The following PPEF1 variants were observed in gnomAD, a reference collection of about 807,000 sequenced individuals.
PPEF1 encodes serine/threonine-protein phosphatase with EF-hands 1.
Under a neutral mutation model 53.3 loss-of-function variants are expected in PPEF1, and 12 were observed. That is an observed-to-expected ratio of 0.23 (90% CI 0.14 to 0.36). PPEF1 has a LOEUF of 0.36. Ranked by LOEUF, PPEF1 falls within the 10% of genes least tolerant of loss-of-function variation. PPEF1 has a pLI of 1.00. For missense variants in PPEF1, 334 were observed against 490.4 expected (o/e 0.68, Z 3.01); for synonymous variants, 165 against 176.7 (o/e 0.93, Z 0.52).
chrX:18,684,499 T>G (rs1316114314), intron 1 of PPEF1, among the ~76,000 whole-genome samples: 1 of 111,577 alleles, frequency 9.0e-6, no homozygotes, highest in Non-Finnish European at 1.9e-5. Flanking sequence ...ACGATCACTT[T>G]CAGTGAGATT....
chrX:18,735,014 G>C (rs1266639425), intron 3 of PPEF1, among the ~76,000 whole-genome samples: 1 of 112,118 alleles, frequency 8.9e-6, no homozygotes, highest in Non-Finnish European at 1.9e-5. Context: ...GTTCTTTGTA[G>C]ATTCTGGATA....
chrX:18,780,384 C>T (rs2046059055), intron 7 of PPEF1, among the ~76,000 whole-genome samples: 1 of 112,061 alleles, frequency 8.9e-6, no homozygotes, highest in East Asian at 2.8e-4. Flanking sequence ...GAGCTCAGGA[C>T]AAGACTGTTT....
chrX:18,735,174 T>C (rs2044945116), intron 3 of PPEF1, among the ~76,000 whole-genome samples: 1 of 111,917 alleles, frequency 8.9e-6, no homozygotes, highest in East Asian at 2.8e-4. Flanking sequence ...GCCATTGCTT[T>C]TGGTGTTTTA....
intron 6 of PPEF1, among the ~76,000 whole-genome samples, chrX:18,762,537 G>GTAAAAGAA (rs1351142997): frequency 3.6e-5 from 4 of 111,995 alleles, no homozygotes; most frequent in Non-Finnish European, 7.5e-5. Context: ...TATTAAGAAA[G>GTAAAAGAA]TAAAAGAATA....
intron 10 of PPEF1, among the ~76,000 whole-genome samples, chrX:18,796,038 C>T (rs1602462926): frequency 1.8e-5 from 2 of 112,247 alleles, no homozygotes; most frequent in Non-Finnish European, 3.8e-5. Flanking sequence ...TCATTGCAAC[C>T]TCCACCTCCT....
chrX:18,717,226 G>A (rs1353553979), intron 1 of PPEF1, among the ~76,000 whole-genome samples: 4 of 107,951 alleles, frequency 3.7e-5, no homozygotes, highest in East Asian at 5.8e-4. Context: ...TTGAAAATAA[G>A]CTGTAGACAT....
intron 5 of PPEF1, chrX:18,700,326 C>T (rs1226421386): frequency 9.6e-6 from 1 of 104,593 alleles, no homozygotes; most frequent in Non-Finnish European, 1.9e-5. Context: ...TACCTCTTTT[C>T]TTTCAGCCCT....
At chrX:18,711,344 T>C (rs1177178448) in intron 1 of PPEF1, among the ~76,000 whole-genome samples, 1 of 109,113 alleles carries the variant, frequency 9.2e-6, no homozygotes, top group Non-Finnish European at 1.9e-5. Flanking sequence ...GGGTGAGGTA[T>C]GAGAAATTAC....
At chrX:18,811,601 ATATATATATATATATTTT>A (rs1435800006) in intron 12 of PPEF1, among the ~76,000 whole-genome samples, 1,168 of 76,915 alleles carry the variant, frequency 0.015, 24 homozygotes, top group African/African-American at 0.057. Context: ...ATATATATAT[ATATATATATATATATTTT>A]TTTTTTTTTT....
intron 3 of PPEF1, among the ~76,000 whole-genome samples, chrX:18,748,411 A>G (rs1411706023): frequency 1.8e-5 from 2 of 112,813 alleles, no homozygotes; most frequent in African/African-American, 6.4e-5. Context: ...TTTAAAAGAT[A>G]GAAACTGTTT....
At chrX:18,703,567 A>G (rs5909205), upstream of PPEF1, among the ~76,000 whole-genome samples, 46,075 of 111,305 alleles carry the variant, frequency 0.41, 7,873 homozygotes, top group Non-Finnish European at 0.55. Context: ...TCATTCATTC[A>G]TTCATTTAGC....
At chrX:18,758,401 A>G (rs997819542) in intron 5 of PPEF1, among the ~76,000 whole-genome samples, 6 of 112,070 alleles carry the variant, frequency 5.4e-5, no homozygotes, top group African/African-American at 1.9e-4. Flanking sequence ...TTAAGCCTTT[A>G]GGTTACAAAA....
intron 10 of PPEF1, among the ~76,000 whole-genome samples, chrX:18,797,703 A>T (rs1349351384): frequency 2.7e-5 from 3 of 110,612 alleles, no homozygotes; most frequent in Non-Finnish European, 5.7e-5. Context: ...GTTCTTTTTT[A>T]TTATTATTAT....
At chrX:18,749,597 G>A (rs1268335483) in intron 3 of PPEF1, among the ~76,000 whole-genome samples, 195 bp from the exon 4 acceptor site, 1 of 111,686 alleles carries the variant, frequency 9.0e-6, no homozygotes, top group East Asian at 2.8e-4. Context: ...AGGGATGGTG[G>A]TGACCCATGT....
At chrX:18,681,478 A>C (rs1928882265), upstream of PPEF1, among the ~76,000 whole-genome samples, 1 of 111,490 alleles carries the variant, frequency 9.0e-6, no homozygotes, top group Non-Finnish European at 1.9e-5. Context: ...GGGTGACTCA[A>C]GCCAGGGCAA....
At chrX:18,814,267 G>T (rs766916769) in intron 12 of PPEF1, among the ~76,000 whole-genome samples, 1 of 111,609 alleles carries the variant, frequency 9.0e-6, no homozygotes, top group African/African-American at 3.3e-5. Context: ...GGTTGATTCC[G>T]TGTTTTTGCT....
chrX:18,784,213 G>A (rs1330962224), intron 9 of PPEF1, among the ~76,000 whole-genome samples, 165 bp downstream of exon 9: 1 of 111,638 alleles, frequency 9.0e-6, no homozygotes, highest in Non-Finnish European at 1.9e-5. Flanking sequence ...AAAAATCTAT[G>A]ACTGCATGAT....
chrX:18,683,112 T>C (rs1459866719), intron 1 of PPEF1, among the ~76,000 whole-genome samples: 1 of 111,551 alleles, frequency 9.0e-6, no homozygotes, highest in Non-Finnish European at 1.9e-5. Context: ...CATGATTCGA[T>C]TGCCTCCCCT....
chrX:18,683,472 G>A lies in PPEF1; in HGVS notation c.-638+471G>A, dbSNP rs186404716. Among the ~76,000 whole-genome samples the A allele has an allele frequency of 2.7e-5, 3 of 111,751 alleles. No homozygotes were observed. The East Asian group carries it at 8.4e-4, about 31-fold the overall frequency. ...AGGGACTATTCTAAGTGCTTCACTC[G>A]TATTAACTCATTGAATCCTCATGAG... On this transcript the variant is annotated intron_variant, in intron 1 of 21. Transcript: ENST00000361511.
Sources: allele counts gnomAD v4.1 joint callset (sites outside exome capture counted in the v4.1 genomes callset), GRCh38; gene constraint gnomAD v4.1.1; transcripts MANE v1.5; gene names NCBI Gene and HGNC (gene_info 2026-07-23, HGNC 2026-07-21).